FAM228B: variants seen among roughly 807,000 people sequenced by gnomAD.
FAM228B encodes the protein protein FAM228B.
FAM228B carries 38 observed loss-of-function variants against 42.6 expected under a neutral mutation model. The observed-to-expected ratio is 0.89, with a 90% CI of 0.69 to 1.17. FAM228B has a LOEUF of 1.17. Ranked by LOEUF, FAM228B falls within the 50% of genes most tolerant of loss-of-function variation. FAM228B has a pLI of 0.00. For synonymous variants in FAM228B, 109 were observed against 122.3 expected (o/e 0.89, Z 0.72); for missense variants, 344 against 367.3 (o/e 0.94, Z 0.52).
At chr2:24,155,684 G>A (rs1235553892) in intron 7 of FAM228B, among the ~76,000 whole-genome samples, 1 of 151,052 alleles carries the variant, frequency 6.6e-6, no homozygotes, top group Admixed American at 6.6e-5. Context: ...GGGATTACAG[G>A]CATCCGCCAC....
upstream of FAM228B, chr2:24,119,533 A>C: frequency 2.1e-6 from 3 of 1,426,522 alleles, no homozygotes; most frequent in Non-Finnish European, 2.9e-6. Context: ...CGGAAGACCC[A>C]ACTAACATAG....
intron 7 of FAM228B, among the ~76,000 whole-genome samples, chr2:24,151,115 T>C (rs1186792648): frequency 6.6e-6 from 1 of 152,186 alleles, no homozygotes; most frequent in Admixed American, 6.5e-5. Context: ...CATTGTTTTT[T>C]ATTCTTTTTT....
chr2:24,142,670 A>G (rs1666782701), intron 5 of FAM228B: 1 of 152,176 alleles, frequency 6.6e-6, no homozygotes, highest in Admixed American at 6.5e-5. Flanking sequence ...TTTGGCGGAT[A>G]TTTTCTGGAA....
At chr2:24,122,149 T>TG (rs1666137432), upstream of FAM228B, among the ~76,000 whole-genome samples, 1 of 152,054 alleles carries the variant, frequency 6.6e-6, no homozygotes, top group South Asian at 2.1e-4. Context: ...CTGACCAACA[T>TG]GGTAAAACAC....
intron 7 of FAM228B, among the ~76,000 whole-genome samples, chr2:24,152,466 G>A (rs752374496): frequency 6.6e-6 from 1 of 152,192 alleles, no homozygotes; most frequent in Admixed American, 6.5e-5. Context: ...TCTTGGGAAG[G>A]CTTTCCAGGT....
At chr2:24,130,812 AT>A (rs1666437528) in intron 2 of FAM228B, among the ~76,000 whole-genome samples, 1 of 152,046 alleles carries the variant, frequency 6.6e-6, no homozygotes, top group Non-Finnish European at 1.5e-5. Flanking sequence ...ATTAGATCAC[AT>A]TTGTCAATTT....
chr2:24,134,968 A>C (rs906282790), intron 2 of FAM228B, 151 bp from the exon 3 acceptor site: 10 of 587,652 alleles, frequency 1.7e-5, no homozygotes, highest in African/African-American at 1.6e-4. Context: ...AACAAACAAA[A>C]AAAAGCACTC....
At chr2:24,147,292 T>C (rs1489284426) in intron 7 of FAM228B, among the ~76,000 whole-genome samples, 1 of 152,124 alleles carries the variant, frequency 6.6e-6, no homozygotes, top group Non-Finnish European at 1.5e-5. Flanking sequence ...TTCTTTTTTC[T>C]TGGGTACTTT....
chr2:24,134,989 T>C, intron 2 of FAM228B, 130 bp from the exon 3 acceptor site: 1 of 632,820 alleles, frequency 1.6e-6, no homozygotes. Context: ...GATGATATGA[T>C]TTGGAGGAAA....
chr2:24,081,886 G>T (rs1358956820), intron 2 of FAM228B, among the ~76,000 whole-genome samples: 1 of 151,848 alleles, frequency 6.6e-6, no homozygotes, highest in Non-Finnish European at 1.5e-5. Flanking sequence ...TAGTAGAGAT[G>T]AAGTTTCACC....
intron 2 of FAM228B, 90 bp from the exon 3 acceptor site, chr2:24,135,029 G>A: frequency 1.2e-6 from 1 of 825,160 alleles, no homozygotes; most frequent in Non-Finnish European, 1.9e-6. Context: ...ACTTTCCAGG[G>A]ATATGTCTGT....
At chr2:24,135,068 A>G (rs1408989169) in intron 2 of FAM228B, 51 bp from the exon 3 acceptor site, 5 of 1,124,692 alleles carry the variant, frequency 4.4e-6, no homozygotes, top group Non-Finnish European at 6.5e-6. Flanking sequence ...TCCAGATAGC[A>G]CTAATAGTTT....
At chr2:24,120,125 C>T (rs1456363415), upstream of FAM228B, among the ~76,000 whole-genome samples, 1 of 152,004 alleles carries the variant, frequency 6.6e-6, no homozygotes, top group East Asian at 1.9e-4. Context: ...AAAAATTAGC[C>T]AGGCGTGGTG....
intron 2 of FAM228B, among the ~76,000 whole-genome samples, chr2:24,086,168 G>C (rs1383630903): frequency 6.7e-6 from 1 of 148,472 alleles, no homozygotes; most frequent in Admixed American, 6.7e-5. Flanking sequence ...CCGGGAGGGG[G>C]AGCTTGCAGT....
At chr2:24,091,430 CAAAACA>C (rs1665390611) in intron 2 of FAM228B, among the ~76,000 whole-genome samples, 1 of 151,956 alleles carries the variant, frequency 6.6e-6, no homozygotes, top group South Asian at 2.1e-4. Flanking sequence ...GATTCCGTCT[CAAAACA>C]AAAACAAAAA....
intron 2 of FAM228B, among the ~76,000 whole-genome samples, chr2:24,093,513 G>T (rs924201750): frequency 1.3e-5 from 2 of 152,064 alleles, no homozygotes; most frequent in East Asian, 3.8e-4. Flanking sequence ...AGTATTCCAT[G>T]GTGTATATGT....
intron 3 of FAM228B, among the ~76,000 whole-genome samples, chr2:24,107,708 T>TA (rs1340725918): frequency 6.6e-6 from 1 of 151,982 alleles, no homozygotes; most frequent in Non-Finnish European, 1.5e-5. Flanking sequence ...AGGTCAGAAA[T>TA]AAAAAAATTC....
intron 2 of FAM228B, among the ~76,000 whole-genome samples, chr2:24,131,136 G>T (rs1666444176): frequency 6.6e-6 from 1 of 152,158 alleles, no homozygotes; most frequent in African/African-American, 2.4e-5. Flanking sequence ...TCAGATGGTT[G>T]TAAATGTATG....
intron 4 of FAM228B, 93 bp downstream of exon 4, chr2:24,138,193 C>A: frequency 1.1e-6 from 1 of 944,134 alleles, no homozygotes; most frequent in East Asian, 2.7e-5. Flanking sequence ...TGTCCCTGTC[C>A]CCTCTACATA....
Sources: gnomAD v4.1 joint callset for allele counts (sites outside exome capture counted in the v4.1 genomes callset) on GRCh38, gnomAD v4.1.1 for gene constraint, MANE v1.5 for transcripts, NCBI Gene and HGNC (gene_info 2026-07-23, HGNC 2026-07-21) for gene names.